Variants in DFFB observed in about 807,000 individuals in gnomAD.
The protein encoded by DFFB is DNA fragmentation factor 40 kDa subunit.
Under a neutral mutation model 32.7 loss-of-function variants are expected in DFFB, and 29 were observed. The ratio of observed to expected loss-of-function variants is 0.89; its 90% CI spans 0.66 to 1.21. The LOEUF is 1.21. Ranked by LOEUF, DFFB falls within the 50% of genes most tolerant of loss-of-function variation. The pLI is 0.00. For synonymous variants in DFFB, 170 were observed against 177.1 expected (o/e 0.96, Z 0.32); for missense variants, 398 against 440.6 (o/e 0.90, Z 0.87).
At chr1:3,861,980 C>T (rs562374178) in intron 2 of DFFB, among the ~76,000 whole-genome samples, 1 of 152,128 alleles carries the variant, frequency 6.6e-6, no homozygotes, top group East Asian at 1.9e-4. Context: ...TGTAGAAAAC[C>T]CTAAGGAATC....
intron 2 of DFFB, 94 bp downstream of exon 2, chr1:3,858,938 T>G (rs1644822719): frequency 1.3e-6 from 2 of 1,532,244 alleles, no homozygotes; most frequent in African/African-American, 1.4e-5. Context: ...TGGGGAAGAG[T>G]CCCCCTTACT....
chr1:3,863,691 C>T (rs899149712), intron 2 of DFFB, among the ~76,000 whole-genome samples: 1 of 152,098 alleles, frequency 6.6e-6, no homozygotes, highest in East Asian at 1.9e-4. Context: ...AGGAATGAAA[C>T]ACAGCATGGC....
chr1:3,868,114 C>T (rs376710097), intron 4 of DFFB, 61 bp downstream of exon 4: 14 of 1,469,540 alleles, frequency 9.5e-6, no homozygotes, highest in Middle Eastern at 3.4e-4. Context: ...TCTGTGGGCT[C>T]TGGAAGCCTG....
chr1:3,866,095 GCCTGTAC>G, intron 3 of DFFB, 95 bp downstream of exon 3: 1 of 1,066,382 alleles, frequency 9.4e-7, no homozygotes, highest in East Asian at 2.6e-5. Flanking sequence ...TGAAGGGCTG[GCCTGTAC>G]CCTCGTGGGT....
chr1:3,871,624 C>T (rs1022443416), intron 5 of DFFB, among the ~76,000 whole-genome samples: 6 of 152,310 alleles, frequency 3.9e-5, no homozygotes, highest in Middle Eastern at 6.8e-3. Flanking sequence ...AAGCAGTATA[C>T]CCTGGAGCAG....
chr1:3,871,890 CGAGA>C (rs751012320), intron 5 of DFFB, among the ~76,000 whole-genome samples: 2 of 151,974 alleles, frequency 1.3e-5, no homozygotes, highest in Non-Finnish European at 2.9e-5. Context: ...GGAGCAGGAA[CGAGA>C]GAGAGATTGA....
chr1:3,857,720 G>T lies in DFFB; in HGVS notation c.114+3G>T, dbSNP rs763358012. On this transcript the variant is annotated splice_donor_region_variant and intron_variant, in intron 1 of 6. Transcript: ENST00000378209. ...GCAAGGGCTGTCTCCGCTTCCAGGT[G>T]CCCGCTGGGCTAGGCGGGGACGGCC... is the stretch of plus-strand genomic sequence containing the variant. 3.3e-6 allele frequency: 5 copies of T among 1,518,512 alleles called. No homozygotes were observed. The South Asian group carries it at 3.8e-5, about 11-fold the overall frequency. The allele number at this position is 1,518,512 out of a possible 1,614,324, so 94.1% of individuals were successfully genotyped here.
rs187299116 is a variant in DFFB at position 3,869,062 on chromosome 1, G to T, written c.511-543G>T. Among the ~76,000 whole-genome samples, 955 of 152,230 alleles carry T rather than the reference G, an allele frequency of 6.3e-3. 18 individuals are homozygous for T. The highest frequency in any genetic ancestry group is 0.054 in the South Asian group (260 of 4,822). On this transcript the variant is annotated intron_variant, in intron 4 of 6. Transcript: ENST00000378209. The stretch of plus-strand genomic sequence containing the variant: ...TGGCCGTGCCTGCCTGACTTTATTA[G>T]CTCATCTTCTTTTTTGAGACGGAGT...
rs756823907 is a variant in DFFB, at chr1:3,872,470, A to G, written c.682-2A>G. 11 of 1,612,312 alleles carry G rather than the reference A, an allele frequency of 6.8e-6. No homozygotes were observed. The highest frequency in any genetic ancestry group is 8.5e-6 in the Non-Finnish European group (10 of 1,178,896). On this transcript the variant is annotated splice_acceptor_variant, in intron 5 of 6. Coordinates refer to ENST00000378209, the MANE Select transcript of DFFB (RefSeq NM_004402.4). LOFTEE classifies it high-confidence loss of function. Reference sequence around the variant, plus strand: ...CTTCCCTCATTGTCTTTTGGCCCCCAGGGTCCCTTTGACATGGACAGCTGC... The same window carrying G: ...CTTCCCTCATTGTCTTTTGGCCCCCGGGGTCCCTTTGACATGGACAGCTGC...
chr1:3,882,112 C>T (rs1411804130), intron 6 of DFFB, among the ~76,000 whole-genome samples: 8 of 152,114 alleles, frequency 5.3e-5, no homozygotes, highest in Admixed American at 3.9e-4. Context: ...TGCAGTGGTA[C>T]GATCTTGGCT....
intron 1 of DFFB, among the ~76,000 whole-genome samples, chr1:3,858,498 G>GT (rs776902675): frequency 6.6e-5 from 10 of 152,240 alleles, no homozygotes; most frequent in Admixed American, 2.6e-4. Context: ...CCTGATGTAT[G>GT]TTTTTCCTGA....
intron 2 of DFFB, among the ~76,000 whole-genome samples, chr1:3,864,410 C>T (rs969527151): frequency 3.3e-5 from 5 of 152,186 alleles, no homozygotes; most frequent in African/African-American, 4.8e-5. Context: ...TGTGCAGCCT[C>T]GCCAGCTTTC....
rs759859504 is a variant in DFFB at position 3,865,747 on chromosome 1, T to C, written c.242-65T>C. 11 of 1,613,506 alleles carry C rather than the reference T, an allele frequency of 6.8e-6. No individual in the cohort carries two copies. Among genetic ancestry groups the C allele is most frequent in the Non-Finnish European group, 7.6e-6 (9 of 1,179,592 alleles). On this transcript the variant is annotated intron_variant, in intron 2 of 6. Transcript: ENST00000378209. The surrounding 1 kb of genome is among the most constrained non-coding windows in gnomAD (Gnocchi z 4.7). ...GGGAAGATGTGGTCAGAGGCTCTTC[T>C]TGTGACCGGGGCAGGATGTGTCTTC...
In DFFB at chr1:3,865,655, G is replaced by T; in HGVS notation, c.242-157G>T. On this transcript the variant is annotated intron_variant, in intron 2 of 6. Transcript: ENST00000378209. The surrounding 1 kb of genome is among the most constrained non-coding windows in gnomAD (Gnocchi z 4.7). Reference sequence around the variant, plus strand: ...GCGTGGTCCCCAGCTGTTGGTGTCAGGGCAAGGACAAAGACCCGGGACACC... The same window carrying T: ...GCGTGGTCCCCAGCTGTTGGTGTCATGGCAAGGACAAAGACCCGGGACACC... The T allele has an allele frequency of 8.7e-7, 1 of 1,146,576 alleles. No individual in the cohort carries two copies. The allele number at this position is 1,146,576 out of a possible 1,614,324, so 71.0% of individuals were successfully genotyped here. A position where few individuals can be genotyped will look rare whatever the true frequency, so the allele number is the denominator to read the frequency against.
chr1:3,874,316 C>A (rs1645179759), intron 6 of DFFB, among the ~76,000 whole-genome samples: 1 of 109,370 alleles, frequency 9.1e-6, no homozygotes. Flanking sequence ...GTGGGTTTAA[C>A]ATGCACATAC....
At chr1:3,870,581 G>A (rs150740946) in intron 5 of DFFB, among the ~76,000 whole-genome samples, 6 of 152,336 alleles carry the variant, frequency 3.9e-5, no homozygotes, top group African/African-American at 1.4e-4. Context: ...GAGGGGTTGG[G>A]ACACAAAAAT....
Position 3,858,735 on chromosome 1 carries a change from C to G in DFFB, c.132C>G (p.Ser44=), listed in dbSNP as rs755440154. The G allele has an allele frequency of 3.7e-6, 6 of 1,614,118 alleles. No homozygotes were observed. Among genetic ancestry groups the G allele is most frequent in the Non-Finnish European group, 5.1e-6 (6 of 1,180,036 alleles). ...CLRFQLPERG[S]RLCLYEDGTE... is the part of the protein sequence containing the mutation. ...CCCTGCAGCTCCCTGAGCGCGGTTC[C>G]CGGCTGTGCCTGTACGAGGATGGCA... The change falls in exon 2 of 7, where the codon TCC becomes TCG. Residue 44 remains serine, a synonymous_variant. Coordinates refer to ENST00000378209, the MANE Select transcript of DFFB (RefSeq NM_004402.4).
intron 2 of DFFB, among the ~76,000 whole-genome samples, chr1:3,864,476 G>T (rs572569098): frequency 7.2e-5 from 11 of 152,062 alleles, no homozygotes; most frequent in Admixed American, 7.2e-4. Flanking sequence ...GTGATGTCTC[G>T]TTGTGCCCTT....
At chr1:3,872,684 G>GCCCTGTCCC in intron 6 of DFFB, 112 bp downstream of exon 6, 3 of 955,130 alleles carry the variant, frequency 3.1e-6, no homozygotes, top group Non-Finnish European at 4.9e-6. Flanking sequence ...CCCTGCCACG[G>GCCCTGTCCC]TGTTGCCTCC....
Sources: gnomAD v4.1 joint callset for allele counts (sites outside exome capture counted in the v4.1 genomes callset) on GRCh38, gnomAD v4.1.1 for gene constraint, Gnocchi (gnomAD v3.1) non-coding constraint, MANE v1.5 for transcripts, NCBI Gene and HGNC (gene_info 2026-07-23, HGNC 2026-07-21) for gene names.